The following PCDH11X variants were observed in gnomAD, a reference collection of about 807,000 sequenced individuals.
PCDH11X encodes protocadherin-11 X-linked.
A neutral mutation model predicts 53.3 loss-of-function variants in PCDH11X; 18 were observed. That is an observed-to-expected ratio of 0.34 (90% CI 0.23 to 0.50). PCDH11X has a LOEUF of 0.50. Among genes scored for constraint, PCDH11X ranks in the 20% least tolerant of loss-of-function variants. PCDH11X has a pLI of 0.98. For missense variants in PCDH11X, 570 were observed against 1,032.4 expected (o/e 0.55, Z 6.14); for synonymous variants, 279 against 393.3 (o/e 0.71, Z 3.44).
intron 6 of PCDH11X, among the ~76,000 whole-genome samples, chrX:92,132,671 ATATGTATATATATATG>A (rs2065012473): frequency 1.1e-4 from 6 of 53,595 alleles, no homozygotes; most frequent in South Asian, 7.5e-4. Flanking sequence ...ATATATATGT[ATATGTATATATATATG>A]TATATATATA....
At chrX:92,494,940 A>C (rs893854465) in intron 10 of PCDH11X, among the ~76,000 whole-genome samples, 1 of 92,085 alleles carries the variant, frequency 1.1e-5, no homozygotes, top group African/African-American at 4.0e-5. Flanking sequence ...ATAGCCAAGT[A>C]AATTCATGTG....
intron 9 of PCDH11X, among the ~76,000 whole-genome samples, chrX:92,389,314 G>A (rs1189218054): frequency 9.0e-6 from 1 of 111,456 alleles, no homozygotes; most frequent in Non-Finnish European, 1.9e-5. Context: ...TGAACTAAGA[G>A]CTAATCTCTA....
chrX:92,533,820 G>A (rs1467481966), intron 10 of PCDH11X, among the ~76,000 whole-genome samples: 1 of 105,470 alleles, frequency 9.5e-6, no homozygotes. Context: ...CTGACTGTTA[G>A]AAGGAAAACT....
At chrX:92,000,809 A>G (rs2062496952) in intron 6 of PCDH11X, among the ~76,000 whole-genome samples, 1 of 84,174 alleles carries the variant, frequency 1.2e-5, no homozygotes, top group Non-Finnish European at 2.3e-5. Flanking sequence ...AGATCGCACA[A>G]ATAAGCGAGA....
intron 4 of PCDH11X, among the ~76,000 whole-genome samples, chrX:91,815,517 G>A (rs1470280607): frequency 9.0e-6 from 1 of 111,196 alleles, no homozygotes; most frequent in Non-Finnish European, 1.9e-5. Context: ...CAAACCGAAA[G>A]TATATTTAAA....
At chrX:92,547,497 C>G (rs1401068218) in intron 10 of PCDH11X, among the ~76,000 whole-genome samples, 1 of 109,490 alleles carries the variant, frequency 9.1e-6, no homozygotes, top group African/African-American at 3.3e-5. Flanking sequence ...ATGAATGTCT[C>G]TCTCTTCCTT....
chrX:92,140,698 T>C (rs1249585884), intron 6 of PCDH11X, among the ~76,000 whole-genome samples: 1 of 111,297 alleles, frequency 9.0e-6, no homozygotes, highest in Non-Finnish European at 1.9e-5. Flanking sequence ...ATTTGTCCTG[T>C]GAATTTCTAC....
At chrX:91,784,692 A>T in intron 1 of PCDH11X, among the ~76,000 whole-genome samples, 1 of 111,660 alleles carries the variant, frequency 9.0e-6, no homozygotes, top group Non-Finnish European at 1.9e-5. Context: ...TTAGGCACTA[A>T]CAAATAGCTC....
At chrX:92,016,847 C>A (rs1170148590) in intron 6 of PCDH11X, among the ~76,000 whole-genome samples, 1 of 110,908 alleles carries the variant, frequency 9.0e-6, no homozygotes, top group Non-Finnish European at 1.9e-5. Flanking sequence ...CTTTTTGGCA[C>A]AAGAAGCCTA....
chrX:92,258,667 T>A (rs2067650773), intron 7 of PCDH11X, among the ~76,000 whole-genome samples: 2 of 112,216 alleles, frequency 1.8e-5, no homozygotes, highest in Admixed American at 9.4e-5. Context: ...GCATCCGGCC[T>A]AGTTATGCAA....
intron 10 of PCDH11X, among the ~76,000 whole-genome samples, chrX:92,478,793 T>C (rs1451789622): frequency 9.1e-6 from 1 of 110,014 alleles, no homozygotes; most frequent in Non-Finnish European, 1.9e-5. Flanking sequence ...TTGTGTCCGA[T>C]TATGTGGTCA....
intron 5 of PCDH11X, among the ~76,000 whole-genome samples, chrX:91,836,842 G>T (rs1447721702): frequency 9.0e-6 from 1 of 110,517 alleles, no homozygotes; most frequent in Non-Finnish European, 1.9e-5. Flanking sequence ...ATGTGCAGAG[G>T]GGCCACATTT....
At chrX:92,545,458 G>T (rs1483518010) in intron 10 of PCDH11X, among the ~76,000 whole-genome samples, 2 of 98,526 alleles carry the variant, frequency 2.0e-5, no homozygotes, top group East Asian at 6.7e-4. Context: ...CTGGAATGCA[G>T]TGGAGCCGTC....
Position 92,053,834 on chromosome X carries a change from G to A in PCDH11X, c.3034-147541G>A, listed in dbSNP as rs753997215. On this transcript the variant is annotated intron_variant, in intron 6 of 10. Transcript: ENST00000682573. Reference sequence around the variant, plus strand: ...TCCACTTGCCTCGGCCTCCCAAAGTGCTGGGATTGTAGGCGTGAGCCACTG... The same window carrying A: ...TCCACTTGCCTCGGCCTCCCAAAGTACTGGGATTGTAGGCGTGAGCCACTG... Among the ~76,000 whole-genome samples the A allele has an allele frequency of 7.2e-5, 8 of 111,524 alleles. No individual in the cohort carries two copies. In the East Asian group the frequency reaches 1.7e-3, roughly 24 times the overall value.
At chrX:91,925,175 C>T (rs1275255699) in intron 6 of PCDH11X, among the ~76,000 whole-genome samples, 1 of 111,123 alleles carries the variant, frequency 9.0e-6, no homozygotes, top group Admixed American at 9.6e-5. Flanking sequence ...CACCTAACAA[C>T]ACATCATAGA....
At chrX:91,860,555 A>G (rs1235220919) in intron 5 of PCDH11X, among the ~76,000 whole-genome samples, 5 of 111,699 alleles carry the variant, frequency 4.5e-5, no homozygotes, top group Admixed American at 9.5e-5. Context: ...TTCAGGGGAG[A>G]TGCTTCCAGC....
intron 10 of PCDH11X, among the ~76,000 whole-genome samples, chrX:92,484,121 A>G (rs1279397820): frequency 2.5e-5 from 2 of 81,025 alleles, no homozygotes; most frequent in African/African-American, 1.1e-4. Flanking sequence ...TATATATAGT[A>G]TATATATGTA....
intron 10 of PCDH11X, among the ~76,000 whole-genome samples, chrX:92,575,975 G>GGT (rs1157184236): frequency 2.9e-4 from 5 of 17,351 alleles, no homozygotes; most frequent in African/African-American, 1.2e-3. Context: ...ACACACCTGG[G>GGT]GTGTATATAT....
chrX:92,260,311 A>C (rs1282986449), intron 7 of PCDH11X, among the ~76,000 whole-genome samples: 1 of 110,774 alleles, frequency 9.0e-6, no homozygotes, highest in Non-Finnish European at 1.9e-5. Flanking sequence ...GGCTGGTTTA[A>C]ATGCTCCCTC....
Sources: allele counts gnomAD v4.1 joint callset (sites outside exome capture counted in the v4.1 genomes callset), GRCh38; gene constraint gnomAD v4.1.1; transcripts MANE v1.5; gene names NCBI Gene and HGNC (gene_info 2026-07-23, HGNC 2026-07-21).